WWOX: variants seen among roughly 807,000 people sequenced by gnomAD.
WWOX encodes the protein WW domain containing oxidoreductase.
WWOX carries 69 observed loss-of-function variants against 46.2 expected under a neutral mutation model. That is an observed-to-expected ratio of 1.49 (90% CI 1.23 to 1.82). The LOEUF is 1.82. Ranked by LOEUF, WWOX falls within the 40% of genes most tolerant of loss-of-function variation. The pLI is 0.00. For synonymous variants in WWOX, 359 were observed against 202.6 expected (o/e 1.77, Z -6.56); for missense variants, 919 against 542.6 (o/e 1.69, Z -6.89).
rs1161954515 is a variant in WWOX at position 78,109,813 on chromosome 16, A to T, written c.208A>T (p.Asn70Tyr). 6.2e-7 allele frequency: 1 copy of T among 1,614,144 alleles called. No individual in the cohort carries two copies. The highest frequency in any genetic ancestry group is 1.1e-5 in the South Asian group (1 of 91,080). ...CGGATGGGAACAAGAAACTGATGAG[A>T]ACGGACAAGTGTTTTTTGTTGAGTA... ...PYGWEQETDE[N>Y]GQVFFVDHIN... is the part of the protein sequence containing the mutation. Residue 70 changes from asparagine to tyrosine, a missense_variant, in exon 3 of 9, where the codon AAC (asparagine) becomes TAC (tyrosine). Transcript: ENST00000566780.
intron 5 of WWOX, among the ~76,000 whole-genome samples, chr16:78,238,425 A>G (rs1318662332): frequency 6.6e-6 from 1 of 151,508 alleles, no homozygotes; most frequent in East Asian, 2.0e-4. Context: ...GTAGCCTCCC[A>G]AGTAGCTGGG....
rs180905552 is a variant in WWOX at position 78,892,772 on chromosome 16, T to C, written c.1057-318836T>C. On this transcript the variant is annotated intron_variant, in intron 8 of 8. Coordinates refer to ENST00000566780, the MANE Select transcript of WWOX (RefSeq NM_016373.4). The stretch of plus-strand genomic sequence containing the variant: ...TCCCACAACTTTCTAACCTCTGTTG[T>C]AGAGTTTTGTTAGCCACGATTTGGA... Among the ~76,000 whole-genome samples the C allele has an allele frequency of 8.5e-5, 13 of 152,344 alleles. No homozygotes were observed. The East Asian group carries it at 2.3e-3, about 27-fold the overall frequency.
chr16:78,760,343 A>G (rs1042874398), intron 8 of WWOX, among the ~76,000 whole-genome samples: 2 of 152,202 alleles, frequency 1.3e-5, no homozygotes, highest in East Asian at 1.9e-4. Flanking sequence ...GGGAGCTACA[A>G]TTCAATATGA....
intron 8 of WWOX, among the ~76,000 whole-genome samples, chr16:79,067,646 G>T (rs1376835525): frequency 1.4e-5 from 2 of 140,154 alleles, no homozygotes; most frequent in Admixed American, 7.0e-5. Context: ...GCGGGGGGGG[G>T]CACTTATCAC....
intron 8 of WWOX, among the ~76,000 whole-genome samples, chr16:79,132,532 C>T (rs1326877748): frequency 6.6e-6 from 1 of 152,110 alleles, no homozygotes; most frequent in Non-Finnish European, 1.5e-5. Flanking sequence ...CAGGAATATT[C>T]TGAGTTTGTT....
chr16:78,194,168 T>A (rs1040044915), intron 5 of WWOX, among the ~76,000 whole-genome samples: 1 of 152,010 alleles, frequency 6.6e-6, no homozygotes, highest in African/African-American at 2.4e-5. Flanking sequence ...GTGAGCAACT[T>A]AATTTAATTT....
At chr16:79,012,150 A>T (rs978291418) in intron 8 of WWOX, among the ~76,000 whole-genome samples, 2 of 152,194 alleles carry the variant, frequency 1.3e-5, no homozygotes, top group African/African-American at 4.8e-5. Context: ...GCAGTGATGG[A>T]TGTCTTCTAT....
intron 8 of WWOX, among the ~76,000 whole-genome samples, chr16:78,710,647 C>T (rs934885382): frequency 6.7e-6 from 1 of 149,866 alleles, no homozygotes; most frequent in Non-Finnish European, 1.5e-5. Context: ...CAGGGTCTTG[C>T]TCTGTCACTC....
chr16:78,282,450 C>T (rs1437436035), intron 5 of WWOX, among the ~76,000 whole-genome samples: 2 of 152,164 alleles, frequency 1.3e-5, no homozygotes, highest in Admixed American at 6.5e-5. Context: ...TAAGAGCATT[C>T]CTGTTTCCAT....
At chr16:78,425,441 A>G (rs183357481) in intron 7 of WWOX, among the ~76,000 whole-genome samples, 3 of 152,332 alleles carry the variant, frequency 2.0e-5, no homozygotes, top group Non-Finnish European at 2.9e-5. Flanking sequence ...AGCCTGCGAG[A>G]TGAAATCAAA....
intron 5 of WWOX, among the ~76,000 whole-genome samples, chr16:78,365,393 G>A (rs975175585): frequency 4.6e-5 from 7 of 152,110 alleles, no homozygotes; most frequent in East Asian, 1.9e-4. Context: ...ATTTACATCC[G>A]TCTAAATCAG....
At chr16:79,080,774 C>T (rs1287028721) in intron 8 of WWOX, among the ~76,000 whole-genome samples, 2 of 152,022 alleles carry the variant, frequency 1.3e-5, no homozygotes, top group South Asian at 4.2e-4. Context: ...TGAGACCAGC[C>T]CGGGCAACAC....
intron 5 of WWOX, among the ~76,000 whole-genome samples, chr16:78,189,096 A>C (rs1157228171): frequency 6.6e-6 from 1 of 152,174 alleles, no homozygotes; most frequent in Non-Finnish European, 1.5e-5. Context: ...GAGAACGTGC[A>C]GCTCATCTGG....
At chr16:78,646,831 C>T (rs2548841) in intron 8 of WWOX, among the ~76,000 whole-genome samples, 115,917 of 152,078 alleles carry the variant, frequency 0.76, 47,395 homozygotes, top group Non-Finnish European at 0.93. Context: ...TTCCTTTTAT[C>T]TCCCATCAGC....
chr16:78,706,520 T>A (rs561096924), intron 8 of WWOX, among the ~76,000 whole-genome samples: 9 of 152,322 alleles, frequency 5.9e-5, no homozygotes, highest in African/African-American at 2.2e-4. Context: ...TCCCTTTATA[T>A]TCTTTCATTC....
intron 8 of WWOX, among the ~76,000 whole-genome samples, chr16:78,558,968 C>G (rs960911671): frequency 1.3e-5 from 2 of 152,222 alleles, no homozygotes; most frequent in African/African-American, 2.4e-5. Flanking sequence ...GCTGGCTATT[C>G]CAGGCTGTCA....
chr16:78,940,948 C>T (rs867502916), intron 8 of WWOX, among the ~76,000 whole-genome samples: 1 of 151,954 alleles, frequency 6.6e-6, no homozygotes, highest in Non-Finnish European at 1.5e-5. Flanking sequence ...TCTGCCCCCC[C>T]ACCCCATCCC....
At chr16:78,800,442 C>G (rs528391998) in intron 8 of WWOX, among the ~76,000 whole-genome samples, 2 of 152,170 alleles carry the variant, frequency 1.3e-5, no homozygotes, top group African/African-American at 2.4e-5. Context: ...TAGTCACTGG[C>G]TATGAAAATG....
intron 5 of WWOX, among the ~76,000 whole-genome samples, chr16:78,245,261 A>G (rs1052189405): frequency 2.6e-5 from 4 of 152,196 alleles, no homozygotes; most frequent in African/African-American, 9.7e-5. Context: ...GAGAGGAACC[A>G]CGGTTTAGTT....
Sources: allele counts gnomAD v4.1 joint callset (sites outside exome capture counted in the v4.1 genomes callset), GRCh38; gene constraint gnomAD v4.1.1; transcripts MANE v1.5; gene names NCBI Gene and HGNC (gene_info 2026-07-23, HGNC 2026-07-21).